Variants in ADAM22 observed in about 807,000 individuals in gnomAD.
ADAM22 encodes ADAM metallopeptidase domain 22, also known as disintegrin and metalloproteinase domain-containing protein 22.
ADAM22 carries 65 observed loss-of-function variants against 144.6 expected under a neutral mutation model. That is an observed-to-expected ratio of 0.45 (90% CI 0.37 to 0.55). ADAM22 has a LOEUF of 0.55. ADAM22 is among the 20% of genes least tolerant of loss of function. The probability of loss-of-function intolerance (pLI) is 0.00; values close to 1 mark genes in which losing one functional copy is unlikely to be tolerated. For missense variants in ADAM22, 974 were observed against 1,184.9 expected (o/e 0.82, Z 2.61); for synonymous variants, 391 against 412.6 (o/e 0.95, Z 0.63).
At chr7:88,134,559 CTGT>C in intron 13 of ADAM22, 140 bp downstream of exon 13, 1 of 582,762 alleles carries the variant, frequency 1.7e-6, no homozygotes, top group Admixed American at 3.7e-5. Flanking sequence ...AGCGCACAAA[CTGT>C]TGTTTTCCAA....
chr7:88,014,003 C>T (rs1796021518), intron 3 of ADAM22, among the ~76,000 whole-genome samples: 5 of 152,090 alleles, frequency 3.3e-5, no homozygotes, highest in Non-Finnish European at 7.4e-5. Flanking sequence ...TACCTACTAC[C>T]CTCTCCTTCT....
intron 4 of ADAM22, among the ~76,000 whole-genome samples, chr7:88,102,746 A>G (rs2129486808): frequency 6.6e-6 from 1 of 152,234 alleles, no homozygotes; most frequent in Admixed American, 6.5e-5. Context: ...AAGTTTGAGA[A>G]TCACAGCTCA....
At chr7:88,167,594 G>A (rs1042061023) in intron 24 of ADAM22, among the ~76,000 whole-genome samples, 9 of 152,028 alleles carry the variant, frequency 5.9e-5, no homozygotes, top group African/African-American at 1.2e-4. Flanking sequence ...TTGCCCAGAC[G>A]GGGAATTACA....
intron 2 of ADAM22, among the ~76,000 whole-genome samples, chr7:87,970,373 T>G (rs771082780): frequency 6.6e-6 from 1 of 152,174 alleles, no homozygotes; most frequent in South Asian, 2.1e-4. Flanking sequence ...TAAAGTACTG[T>G]TACATGCATT....
At chr7:87,971,736 T>C (rs949783835) in intron 2 of ADAM22, among the ~76,000 whole-genome samples, 13 of 152,222 alleles carry the variant, frequency 8.5e-5, no homozygotes, top group African/African-American at 2.7e-4. Context: ...GATTCTCTCT[T>C]CTCAAACATA....
chr7:87,966,255 T>G (rs1046725837), intron 2 of ADAM22, among the ~76,000 whole-genome samples: 3 of 152,220 alleles, frequency 2.0e-5, no homozygotes, highest in Non-Finnish European at 4.4e-5. Context: ...GTCTGCTGAT[T>G]TTGTTGCATC....
chr7:88,008,079 A>T (rs1055242214), intron 3 of ADAM22, among the ~76,000 whole-genome samples: 1 of 152,220 alleles, frequency 6.6e-6, no homozygotes, highest in Non-Finnish European at 1.5e-5. Context: ...CCCATCAAAA[A>T]GTGGGCAAAG....
intron 2 of ADAM22, among the ~76,000 whole-genome samples, chr7:87,963,054 G>A (rs1050200574): frequency 1.1e-4 from 16 of 152,172 alleles, no homozygotes; most frequent in African/African-American, 2.9e-4. Flanking sequence ...ATAATAACAT[G>A]TCTTTCCAGA....
At chr7:87,975,326 A>G (rs1851655610) in intron 2 of ADAM22, among the ~76,000 whole-genome samples, 1 of 152,212 alleles carries the variant, frequency 6.6e-6, no homozygotes, top group Admixed American at 6.5e-5. Flanking sequence ...ACTATCAGAT[A>G]AACTCCACAG....
At chr7:88,106,915 C>T (rs1824543506) in intron 4 of ADAM22, among the ~76,000 whole-genome samples, 1 of 152,106 alleles carries the variant, frequency 6.6e-6, no homozygotes. Flanking sequence ...CACATTGAAT[C>T]CAAATAAATG....
chr7:87,989,594 C>T (rs76128219), intron 3 of ADAM22, among the ~76,000 whole-genome samples: 3,502 of 152,244 alleles, frequency 0.023, 138 homozygotes, highest in African/African-American at 0.08. Flanking sequence ...CTATTATTAA[C>T]ACTGTTGTCA....
intron 2 of ADAM22, among the ~76,000 whole-genome samples, chr7:87,943,444 C>T (rs751387942): frequency 1.1e-4 from 17 of 152,018 alleles, no homozygotes; most frequent in Non-Finnish European, 1.8e-4. Context: ...ACATACCTAA[C>T]GTTATTTCTT....
chr7:88,113,451 C>A (rs543346997), intron 5 of ADAM22, among the ~76,000 whole-genome samples: 2 of 150,838 alleles, frequency 1.3e-5, no homozygotes, highest in South Asian at 2.1e-4. Flanking sequence ...TAGTATCTGG[C>A]ATGATCATTA....
At chr7:88,110,635 T>C (rs1825743160) in intron 5 of ADAM22, among the ~76,000 whole-genome samples, 1 of 150,998 alleles carries the variant, frequency 6.6e-6, no homozygotes, top group Admixed American at 6.6e-5. Flanking sequence ...CATGCCCACT[T>C]TTCTTTTTTC....
intron 3 of ADAM22, among the ~76,000 whole-genome samples, chr7:88,024,570 C>T (rs1017184463): frequency 5.3e-5 from 8 of 151,614 alleles, no homozygotes; most frequent in African/African-American, 1.9e-4. Flanking sequence ...TTAAATTATA[C>T]TTTAAGTTTT....
chr7:88,188,719 C>T (rs1848904832), intron 30 of ADAM22, among the ~76,000 whole-genome samples: 1 of 152,174 alleles, frequency 6.6e-6, no homozygotes, highest in African/African-American at 2.4e-5. Flanking sequence ...GCAAGCCAAG[C>T]CTCACATAGG....
intron 4 of ADAM22, among the ~76,000 whole-genome samples, chr7:88,097,499 A>C (rs979885158): frequency 6.6e-6 from 1 of 151,944 alleles, no homozygotes; most frequent in Non-Finnish European, 1.5e-5. Flanking sequence ...TTCCTTCTTC[A>C]AAAAAGGAAT....
intron 29 of ADAM22, among the ~76,000 whole-genome samples, chr7:88,183,857 T>TAC (rs145731034): frequency 0.13 from 19,944 of 150,492 alleles, 1,924 homozygotes; most frequent in East Asian, 0.48. Context: ...TATTTATACA[T>TAC]ACACACACAC....
At chr7:88,126,988 C>T (rs1021221772) in intron 8 of ADAM22, among the ~76,000 whole-genome samples, 15 of 151,780 alleles carry the variant, frequency 9.9e-5, no homozygotes, top group African/African-American at 2.7e-4. Flanking sequence ...ACCGCATATA[C>T]GCCATATATT....
Sources: gnomAD v4.1 joint callset for allele counts (sites outside exome capture counted in the v4.1 genomes callset) on GRCh38, gnomAD v4.1.1 for gene constraint, MANE v1.5 for transcripts, NCBI Gene and HGNC (gene_info 2026-07-23, HGNC 2026-07-21) for gene names.